ARIH2: variants seen among roughly 807,000 people sequenced by gnomAD.
ARIH2 encodes the protein ariadne RBR E3 ubiquitin protein ligase 2.
In ARIH2, 12 loss-of-function variants were observed where a neutral mutation model predicts 79.8. The observed-to-expected ratio is 0.15, with a 90% CI of 0.10 to 0.24. ARIH2 has a LOEUF of 0.24. ARIH2 is among the 10% of genes least tolerant of loss of function. ARIH2 has a pLI of 1.00. For missense variants in ARIH2, 301 were observed against 618.3 expected (o/e 0.49, Z 5.44); for synonymous variants, 224 against 213.9 (o/e 1.05, Z -0.41).
intron 4 of ARIH2, among the ~76,000 whole-genome samples, chr3:48,963,889 A>AT (rs1446262055): frequency 4.6e-5 from 7 of 151,882 alleles, no homozygotes; most frequent in Admixed American, 4.6e-4. Flanking sequence ...TCTTCTCCCC[A>AT]TTTTTTATTG....
intron 3 of ARIH2, among the ~76,000 whole-genome samples, chr3:48,940,518 T>G (rs1183699531): frequency 1.3e-5 from 2 of 151,712 alleles, no homozygotes; most frequent in African/African-American, 4.8e-5. Context: ...GGACCCTAAA[T>G]GGAGGGACCG....
rs1267271495 is a variant in ARIH2, at chr3:48,918,855, C to A, written c.-305C>A. On this transcript the variant is annotated 5_prime_UTR_variant, in exon 1 of 16. Transcript: ENST00000356401. The stretch of plus-strand genomic sequence containing the variant: ...CCAAGCACTTCCGGAGCTGTGGGGA[C>A]GACTCTTCTGGAGGAAGCAGCGCGG... The A allele has an allele frequency of 6.2e-7, 1 of 1,610,860 alleles. No individual in the cohort carries two copies. Among genetic ancestry groups the A allele is most frequent in the South Asian group, 1.1e-5 (1 of 90,986 alleles).
chr3:48,925,470 C>T (rs1268716105), intron 2 of ARIH2, among the ~76,000 whole-genome samples: 1 of 149,468 alleles, frequency 6.7e-6, no homozygotes, highest in African/African-American at 2.5e-5. Flanking sequence ...CTAGGTTGTT[C>T]AGGTGGATCT....
At chr3:48,928,470 T>C (rs2085931896) in intron 3 of ARIH2, among the ~76,000 whole-genome samples, 1 of 152,232 alleles carries the variant, frequency 6.6e-6, no homozygotes, top group African/African-American at 2.4e-5. Context: ...TTTTTTATGA[T>C]CATTTTGACA....
chr3:48,975,044 T>A, intron 11 of ARIH2, 65 bp downstream of exon 11: 2 of 1,613,834 alleles, frequency 1.2e-6, no homozygotes, highest in Non-Finnish European at 1.7e-6. Context: ...TCCGTTACTA[T>A]TTAAGTGAGT....
chr3:48,967,262 CGGCGTG>C lies in ARIH2; in HGVS notation c.534_538+1del. Reference sequence around the variant, plus strand: ...AGCACTGCTCAGTTCTCGTCAAGGACGGCGTGGGCGTGGGTGAGTCTGCCACAAAAC... The same window carrying C: ...AGCACTGCTCAGTTCTCGTCAAGGACGGCGTGGGTGAGTCTGCCACAAAAC... On this transcript the variant is annotated inframe_deletion, in exon 6 of 16. Coordinates refer to ENST00000356401, the MANE Select transcript of ARIH2 (RefSeq NM_006321.4). The C allele has an allele frequency of 6.2e-7, 1 of 1,613,964 alleles. No individual in the cohort carries two copies. The highest frequency in any genetic ancestry group is 1.3e-5 in the African/African-American group (1 of 75,048).
intron 3 of ARIH2, among the ~76,000 whole-genome samples, chr3:48,946,834 C>T (rs2089220339): frequency 6.6e-6 from 1 of 152,054 alleles, no homozygotes; most frequent in South Asian, 2.1e-4. Flanking sequence ...TCTGTGAAAG[C>T]CTTCTCTGGA....
At chr3:48,976,225 T>G (rs2092488714) in intron 11 of ARIH2, among the ~76,000 whole-genome samples, 2 of 151,092 alleles carry the variant, frequency 1.3e-5, no homozygotes, top group East Asian at 3.9e-4. Context: ...TTTTTTTTTT[T>G]TTCCAAAGAT....
intron 8 of ARIH2, 121 bp from the exon 9 acceptor site, chr3:48,973,575 CAAA>C (rs537764456): frequency 0.013 from 5,457 of 425,066 alleles, no homozygotes; most frequent in South Asian, 0.015. Context: ...GACTCTGTCT[CAAA>C]AAAAAAAAAA....
intron 2 of ARIH2, among the ~76,000 whole-genome samples, chr3:48,924,143 C>T (rs1368208213): frequency 6.6e-6 from 1 of 151,970 alleles, no homozygotes; most frequent in Non-Finnish European, 1.5e-5. Context: ...ACTCCATAGT[C>T]TTTTAGACTG....
intron 1 of ARIH2, among the ~76,000 whole-genome samples, chr3:48,921,110 C>T (rs1304092863): frequency 1.3e-5 from 1 of 75,548 alleles, no homozygotes. Context: ...GCGCATGCTA[C>T]CACGCCCAGC....
rs2092178852 is a variant in ARIH2, at chr3:48,970,801, G to A, written c.770+97G>A. On this transcript the variant is annotated intron_variant, in intron 8 of 15. Transcript: ENST00000356401. ...CCATGTGAGGGCGGCACTGGAAGAGGCAGGGTCTCTGAGCCAACAGAACAG... is the reference window on the plus strand; with the variant it reads ...CCATGTGAGGGCGGCACTGGAAGAGACAGGGTCTCTGAGCCAACAGAACAG... 2.6e-5 allele frequency: 24 copies of A among 917,108 alleles called. 1 individual carries two copies. The Middle Eastern group carries it at 1.1e-3, about 41-fold the overall frequency. The allele number at this position is 917,108 out of a possible 1,614,324, so 56.8% of individuals were successfully genotyped here.
chr3:48,947,973 A>AT (rs1218339343), intron 3 of ARIH2, among the ~76,000 whole-genome samples: 2 of 151,100 alleles, frequency 1.3e-5, no homozygotes, highest in East Asian at 1.9e-4. Flanking sequence ...TTGTTTATTT[A>AT]TTTTTTTGAG....
chr3:48,973,474 G>C (rs2092349630), intron 8 of ARIH2: 1 of 357,776 alleles, frequency 2.8e-6, no homozygotes, highest in Non-Finnish European at 5.3e-6. Context: ...CTACTCGGGA[G>C]GTTGAGTCAG....
chr3:48,927,648 C>T lies in ARIH2; in HGVS notation c.90C>T (p.Asp30=), dbSNP rs753068638. The change falls in exon 3 of 16, where the codon GAC becomes GAT. Residue 30 remains aspartate, a synonymous_variant. Coordinates refer to ENST00000356401, the MANE Select transcript of ARIH2 (RefSeq NM_006321.4). ...AGGAAGAGGAAGAAGAAGAAGAAGA[C>T]GACCCTGGGGACATAGAGGACTATT... ...NCEEEEEEEE[D]DPGDIEDYYV... The T allele has an allele frequency of 1.1e-5, 18 of 1,613,706 alleles. No individual in the cohort carries two copies. The highest frequency in any genetic ancestry group is 6.7e-5 in the East Asian group (3 of 44,874).
intron 3 of ARIH2, among the ~76,000 whole-genome samples, chr3:48,954,411 G>A (rs996794700): frequency 1.3e-5 from 2 of 151,932 alleles, no homozygotes; most frequent in Non-Finnish European, 2.9e-5. Context: ...CACTCCAGTC[G>A]GAGCAACAGA....
At chr3:48,949,180 C>T (rs909663021) in intron 3 of ARIH2, 6 of 445,454 alleles carry the variant, frequency 1.3e-5, no homozygotes, top group Non-Finnish European at 2.7e-5. Flanking sequence ...TGCAGTGGCA[C>T]GATCTCGGCT....
chr3:48,941,914 C>T (rs576121126), intron 3 of ARIH2, among the ~76,000 whole-genome samples: 1 of 151,628 alleles, frequency 6.6e-6, no homozygotes, highest in East Asian at 1.9e-4. Flanking sequence ...GAGATGAAGT[C>T]TCATTCTGTC....
chr3:48,934,360 A>C, intron 3 of ARIH2: 1 of 925,850 alleles, frequency 1.1e-6, no homozygotes, highest in Non-Finnish European at 1.3e-6. Context: ...TTATTCTGAT[A>C]TAGCTGAATT....
Sources: gnomAD v4.1 joint callset for allele counts (sites outside exome capture counted in the v4.1 genomes callset) on GRCh38, gnomAD v4.1.1 for gene constraint, MANE v1.5 for transcripts, NCBI Gene and HGNC (gene_info 2026-07-23, HGNC 2026-07-21) for gene names.